NRG1: variants seen among roughly 807,000 people sequenced by gnomAD.
NRG1 encodes the protein neuregulin 1, also known as pro-neuregulin-1, membrane-bound isoform.
Under a neutral mutation model 63.8 loss-of-function variants are expected in NRG1, and 18 were observed. The observed-to-expected ratio is 0.28, with a 90% CI of 0.19 to 0.42. The LOEUF (loss-of-function observed/expected upper bound fraction) is 0.42, where lower values mean the gene tolerates loss of function less well. Ranked by LOEUF, NRG1 falls within the 10% of genes least tolerant of loss-of-function variation. NRG1 has a pLI of 1.00. For synonymous variants in NRG1, 302 were observed against 301.3 expected (o/e 1.00, Z -0.02); for missense variants, 762 against 814.7 (o/e 0.94, Z 0.79).
intron 1 of NRG1, among the ~76,000 whole-genome samples, chr8:32,162,633 A>G (rs1291129062): frequency 1.3e-5 from 2 of 152,130 alleles, no homozygotes; most frequent in Non-Finnish European, 2.9e-5. Flanking sequence ...TTTGCCAGCC[A>G]CTCCTATCTT....
chr8:32,085,801 G>A (rs1828126522), intron 1 of NRG1, among the ~76,000 whole-genome samples: 2 of 152,170 alleles, frequency 1.3e-5, no homozygotes, highest in Non-Finnish European at 1.5e-5. Flanking sequence ...ATTTAAGTGA[G>A]GTCTAATACC....
intron 1 of NRG1, among the ~76,000 whole-genome samples, chr8:31,810,299 G>T (rs1183758102): frequency 6.6e-6 from 1 of 151,882 alleles, no homozygotes; most frequent in Non-Finnish European, 1.5e-5. Flanking sequence ...TGTATTCAGC[G>T]GCCTCAGAGA....
intron 1 of NRG1, among the ~76,000 whole-genome samples, chr8:32,327,995 C>G (rs1802207667): frequency 6.6e-6 from 1 of 152,224 alleles, no homozygotes; most frequent in African/African-American, 2.4e-5. Context: ...AGTTACCTCT[C>G]TTCAAATCTT....
chr8:31,666,526 AAAG>A (rs1806559062), intron 1 of NRG1, among the ~76,000 whole-genome samples: 1 of 152,224 alleles, frequency 6.6e-6, no homozygotes, highest in Non-Finnish European at 1.5e-5. Context: ...TTCTGAAGAA[AAAG>A]AAGAAAGAAA....
intron 1 of NRG1, among the ~76,000 whole-genome samples, chr8:32,580,960 T>A (rs1840532266): frequency 6.6e-6 from 1 of 152,164 alleles, no homozygotes; most frequent in East Asian, 1.9e-4. Context: ...GGAATTTAAG[T>A]GGAAAGGATA....
At chr8:32,028,718 C>T (rs897303835) in intron 1 of NRG1, among the ~76,000 whole-genome samples, 1 of 151,954 alleles carries the variant, frequency 6.6e-6, no homozygotes, top group East Asian at 1.9e-4. Flanking sequence ...CACTAACTTT[C>T]AAAAGTTAGA....
At chr8:31,999,083 G>A (rs781333969) in intron 1 of NRG1, among the ~76,000 whole-genome samples, 9 of 151,134 alleles carry the variant, frequency 6.0e-5, no homozygotes, top group African/African-American at 1.5e-4. Context: ...ACATCACCAC[G>A]AGGATTTCTT....
chr8:31,937,858 A>G (rs907185183), intron 1 of NRG1, among the ~76,000 whole-genome samples: 28 of 152,194 alleles, frequency 1.8e-4, no homozygotes, highest in African/African-American at 5.5e-4. Context: ...CAGCAGCCAC[A>G]GCAAGCCCTG....
intron 1 of NRG1, among the ~76,000 whole-genome samples, chr8:31,700,726 C>G (rs762083533): frequency 1.3e-5 from 2 of 152,144 alleles, no homozygotes; most frequent in East Asian, 3.9e-4. Context: ...GATGAAGCAC[C>G]ATGGTTTCCT....
At chr8:32,667,341 A>G (rs1193368746) in intron 5 of NRG1, among the ~76,000 whole-genome samples, 1 of 152,150 alleles carries the variant, frequency 6.6e-6, no homozygotes, top group Non-Finnish European at 1.5e-5. Flanking sequence ...GGTATATGCC[A>G]TATTTTGTTT....
chr8:32,364,463 A>G lies in NRG1; in HGVS notation c.38-231365A>G, dbSNP rs977297479. Among the ~76,000 whole-genome samples, 3 of 152,130 alleles carry G rather than the reference A, an allele frequency of 2.0e-5. No homozygotes were observed. In the South Asian group the frequency reaches 6.2e-4, roughly 31 times the overall value. ...GCCTTTTTTCTTTACTTAACAATACATCTTGAAGATGGTTCAAATTACACA... is the reference window on the plus strand; with the variant it reads ...GCCTTTTTTCTTTACTTAACAATACGTCTTGAAGATGGTTCAAATTACACA... On this transcript the variant is annotated intron_variant, in intron 1 of 10. Coordinates refer to the NRG1 transcript ENST00000519301.
chr8:32,365,274 C>CT (rs1006988678), intron 1 of NRG1, among the ~76,000 whole-genome samples: 2 of 151,810 alleles, frequency 1.3e-5, no homozygotes, highest in African/African-American at 2.4e-5. Flanking sequence ...AGAGGGATTT[C>CT]TTTTTTTTAG....
At chr8:32,659,107 A>G (rs972227196) in intron 5 of NRG1, among the ~76,000 whole-genome samples, 1 of 151,080 alleles carries the variant, frequency 6.6e-6, no homozygotes, top group Admixed American at 6.6e-5. Context: ...TCCTTTCATA[A>G]TATGTAGAAT....
intron 1 of NRG1, among the ~76,000 whole-genome samples, chr8:31,828,143 C>T (rs945484436): frequency 2.0e-5 from 3 of 152,194 alleles, no homozygotes; most frequent in Non-Finnish European, 2.9e-5. Context: ...AAGACTCATG[C>T]AGGTATTTTT....
At chr8:31,732,965 T>A (rs1185200416) in intron 1 of NRG1, among the ~76,000 whole-genome samples, 1 of 152,120 alleles carries the variant, frequency 6.6e-6, no homozygotes, top group Non-Finnish European at 1.5e-5. Flanking sequence ...CTCTCCTATG[T>A]CCCCACCCTT....
At chr8:32,037,769 G>T (rs1210098613) in intron 1 of NRG1, among the ~76,000 whole-genome samples, 1 of 152,178 alleles carries the variant, frequency 6.6e-6, no homozygotes. Flanking sequence ...GCCCAGTCTC[G>T]CTGGCACCTG....
chr8:32,091,622 G>C (rs1234829636), intron 1 of NRG1, among the ~76,000 whole-genome samples: 1 of 152,112 alleles, frequency 6.6e-6, no homozygotes, highest in Non-Finnish European at 1.5e-5. Context: ...TGAATTTCAG[G>C]TGTCATGGGC....
rs1033392241 is a variant in NRG1, at chr8:31,804,394, A to T, written c.37+164963A>T. Among the ~76,000 whole-genome samples the T allele has an allele frequency of 2.0e-5, 3 of 152,222 alleles. No individual in the cohort carries two copies. In the East Asian group the frequency reaches 5.8e-4, roughly 29 times the overall value. On this transcript the variant is annotated intron_variant, in intron 1 of 10. Coordinates refer to the NRG1 transcript ENST00000519301. ...TCAGTCATGCTGGTTGATACCCCGA[A>T]TGGATAGGAAATGGATAGGCATTTT...
chr8:31,896,962 A>T (rs1288737018), intron 1 of NRG1, among the ~76,000 whole-genome samples: 2 of 152,216 alleles, frequency 1.3e-5, no homozygotes, highest in East Asian at 3.9e-4. Context: ...ATGGGAACTC[A>T]TGAAGAATTT....
Sources: gnomAD v4.1 joint callset for allele counts (sites outside exome capture counted in the v4.1 genomes callset) on GRCh38, gnomAD v4.1.1 for gene constraint, MANE v1.5 for transcripts, NCBI Gene and HGNC (gene_info 2026-07-23, HGNC 2026-07-21) for gene names.